Variants in CLMP observed in about 807,000 individuals in gnomAD.
CLMP encodes the protein CXADR like cell adhesion molecule.
CLMP carries 27 observed loss-of-function variants against 45.2 expected under a neutral mutation model. That is an observed-to-expected ratio of 0.60 (90% CI 0.44 to 0.82). The LOEUF is 0.82. Among genes scored for constraint, CLMP ranks in the 40% least tolerant of loss-of-function variants. CLMP has a pLI of 0.00. For synonymous variants in CLMP, 167 were observed against 171.4 expected (o/e 0.97, Z 0.20); for missense variants, 403 against 448.4 (o/e 0.90, Z 0.91).
At chr11:123,105,959 G>A (rs567270107) in intron 1 of CLMP, among the ~76,000 whole-genome samples, 204 of 152,028 alleles carry the variant, frequency 1.3e-3, no homozygotes, top group African/African-American at 4.9e-3. Flanking sequence ...TGGGATTACA[G>A]GCCCACGCCA....
Position 123,073,493 on chromosome 11 carries a change from C to G in CLMP, c.1103G>C (p.Arg368Thr), listed in dbSNP as rs555840790. The G allele has an allele frequency of 6.2e-6, 10 of 1,613,382 alleles. No homozygotes were observed. In the African/African-American group the frequency reaches 6.7e-5, roughly 11 times the overall value. ...TGTAATTCAGACCGTTTGGAAGGCT[C>G]TGCTCTGGCTGGGGATCATGCTGGG... is the stretch of plus-strand genomic sequence containing the variant. The part of the protein sequence containing the change: ...TTPSMIPSQS[R>T]AFQTV The change falls in exon 7 of 7, where the codon AGA (arginine) becomes ACA (threonine). Residue 368 changes from arginine to threonine, a missense_variant. Physicochemically the swap from Arg to Thr is moderately conservative, Grantham distance 71 (BLOSUM62 -1). Transcript: ENST00000448775.
At chr11:123,078,639 GT>G (rs1321354866) in intron 5 of CLMP, among the ~76,000 whole-genome samples, 5 of 143,332 alleles carry the variant, frequency 3.5e-5, no homozygotes, top group Non-Finnish European at 7.6e-5. Flanking sequence ...GTTTTTTTTG[GT>G]TTTTTTTGTT....
chr11:123,116,638 C>A (rs1273381012), intron 1 of CLMP, among the ~76,000 whole-genome samples: 4 of 152,166 alleles, frequency 2.6e-5, no homozygotes, highest in African/African-American at 9.7e-5. Context: ...CTCACAATAA[C>A]AATCATTGTC....
intron 1 of CLMP, among the ~76,000 whole-genome samples, chr11:123,187,504 A>T (rs771425669): frequency 3.9e-5 from 6 of 152,198 alleles, no homozygotes; most frequent in Non-Finnish European, 5.9e-5. Flanking sequence ...CAAGAAAAGA[A>T]GTATGACTAC....
At chr11:123,152,440 T>A (rs886151445) in intron 1 of CLMP, among the ~76,000 whole-genome samples, 6 of 151,992 alleles carry the variant, frequency 3.9e-5, no homozygotes, top group Admixed American at 3.9e-4. Context: ...GGAGAATCAC[T>A]TGAACCCGGG....
intron 1 of CLMP, among the ~76,000 whole-genome samples, chr11:123,140,330 G>A (rs1311115284): frequency 1.3e-5 from 2 of 152,140 alleles, no homozygotes; most frequent in Non-Finnish European, 2.9e-5. Flanking sequence ...TTTTGTCGCG[G>A]TCTGAAGAAA....
intron 2 of CLMP, among the ~76,000 whole-genome samples, chr11:123,090,355 G>A (rs1865916590): frequency 6.6e-6 from 1 of 151,644 alleles, no homozygotes; most frequent in Non-Finnish European, 1.5e-5. Context: ...TCAGGAGGTG[G>A]AGGTTGCGGT....
At chr11:123,158,005 G>A (rs1387929527) in intron 1 of CLMP, among the ~76,000 whole-genome samples, 2 of 151,792 alleles carry the variant, frequency 1.3e-5, no homozygotes, top group East Asian at 3.9e-4. Flanking sequence ...ATTCTCTTCT[G>A]CACAAAACCC....
intron 1 of CLMP, among the ~76,000 whole-genome samples, chr11:123,104,548 C>G (rs1354211366): frequency 6.6e-6 from 1 of 151,968 alleles, no homozygotes; most frequent in Non-Finnish European, 1.5e-5. Flanking sequence ...CCATGCTCAG[C>G]TAATTTTTTG....
At chr11:123,170,368 T>A (rs1393962791) in intron 1 of CLMP, among the ~76,000 whole-genome samples, 1 of 152,008 alleles carries the variant, frequency 6.6e-6, no homozygotes, top group Admixed American at 6.6e-5. Context: ...CAGGTCAGAG[T>A]TTAGTCCTCA....
chr11:123,074,818 T>C lies in CLMP; in HGVS notation c.705A>G (p.Ala235=), dbSNP rs1469482541. ...VQYVQSIGMV[A]GAVTGIVAGA... ...CAGCCACTATGCCTGTCACTGCTCC[T>C]GCAACCATGCCGATGCTTTGTACAT... Residue 235 remains alanine (A), a synonymous_variant, in exon 6 of 7, where the codon GCA becomes GCG. Transcript: ENST00000448775. 1.2e-6 allele frequency: 2 copies of C among 1,614,108 alleles called. No individual in the cohort carries two copies. The highest frequency in any genetic ancestry group is 3.3e-5 in the Admixed American group (2 of 59,978).
chr11:123,088,775 A>T (rs1273566087), intron 2 of CLMP, among the ~76,000 whole-genome samples: 5 of 151,980 alleles, frequency 3.3e-5, no homozygotes, highest in African/African-American at 1.2e-4. Flanking sequence ...ACAGGCATTC[A>T]CCACCACACC....
chr11:123,152,617 T>G (rs1197364709), intron 1 of CLMP, among the ~76,000 whole-genome samples: 1 of 152,022 alleles, frequency 6.6e-6, no homozygotes. Flanking sequence ...AAACCAACCC[T>G]ACCAAAAACT....
chr11:123,148,956 A>G (rs142176826), intron 1 of CLMP, among the ~76,000 whole-genome samples: 1 of 152,310 alleles, frequency 6.6e-6, no homozygotes, highest in Non-Finnish European at 1.5e-5. Context: ...TGTCATGGGT[A>G]TATCCTTACG....
rs1861671056 is a variant in CLMP at position 123,174,199 on chromosome 11, A to G, written c.28+20714T>C. 1.3e-5 allele frequency among the ~76,000 whole-genome samples: 2 copies of G among 152,212 alleles called. 1 individual carries two copies. The highest frequency in any genetic ancestry group is 2.9e-5 in the Non-Finnish European group (2 of 68,040). ...TAGAGGCCAAGACATTGTCCTTCAG[A>G]GCAAGCTCTTCCTACACGTAATTAC... On this transcript the variant is annotated intron_variant, in intron 1 of 6. Transcript: ENST00000448775.
rs541681791 is a variant in CLMP, at chr11:123,111,228, C to T, written c.29-13276G>A. 2.0e-5 allele frequency among the ~76,000 whole-genome samples: 3 copies of T among 152,108 alleles called. No individual in the cohort carries two copies. The South Asian group carries it at 6.2e-4, about 32-fold the overall frequency. The stretch of plus-strand genomic sequence containing the variant: ...GATCTGGGCTCACTGCAACTTCTGC[C>T]TCCTGGGTTCAAGTGCCTCAGCCTT... On this transcript the variant is annotated intron_variant, in intron 1 of 6. Transcript: ENST00000448775.
chr11:123,107,486 C>T (rs1860577247), intron 1 of CLMP, among the ~76,000 whole-genome samples: 1 of 151,410 alleles, frequency 6.6e-6, no homozygotes, highest in South Asian at 2.1e-4. Flanking sequence ...CCACTTCAGC[C>T]TCCCAAAGTG....
rs1865676319 is a variant in CLMP at position 123,071,905 on chromosome 11, C to G, written c.*1569G>C. 6.6e-6 allele frequency: 1 copy of G among 152,194 alleles called. No homozygotes were observed. The highest frequency in any genetic ancestry group is 1.5e-5 in the Non-Finnish European group (1 of 68,044). The allele number at this position is 152,194 out of a possible 1,614,324, so 9.4% of individuals were successfully genotyped here. A position where few individuals can be genotyped will look rare whatever the true frequency, so the allele number is the denominator to read the frequency against. On this transcript the variant is annotated 3_prime_UTR_variant, in exon 7 of 7. Transcript: ENST00000448775. ...TCTTTATTTCTCAAACATCTTTCTTCTCCCATTCATCAACTCTTCAGCAGC... is the reference window on the plus strand; with the variant it reads ...TCTTTATTTCTCAAACATCTTTCTTGTCCCATTCATCAACTCTTCAGCAGC...
intron 1 of CLMP, among the ~76,000 whole-genome samples, chr11:123,142,780 C>T (rs1231845775): frequency 1.4e-5 from 2 of 141,516 alleles, no homozygotes; most frequent in African/African-American, 5.7e-5. Context: ...GCGCCCGCCA[C>T]TGCGCCCGGC....
Sources: allele counts gnomAD v4.1 joint callset (sites outside exome capture counted in the v4.1 genomes callset), GRCh38; gene constraint gnomAD v4.1.1; transcripts MANE v1.5; gene names NCBI Gene and HGNC (gene_info 2026-07-23, HGNC 2026-07-21).